The following FEM1B variants were observed in gnomAD, a reference collection of about 807,000 sequenced individuals.
FEM1B encodes fem-1 homolog B, also known as protein fem-1 homolog B.
FEM1B carries 10 observed loss-of-function variants against 38.6 expected under a neutral mutation model. The observed-to-expected ratio is 0.26, with a 90% CI of 0.16 to 0.44. The LOEUF (loss-of-function observed/expected upper bound fraction) is 0.44, where lower values mean the gene tolerates loss of function less well. FEM1B is among the 20% of genes least tolerant of loss of function. FEM1B has a pLI of 1.00. For synonymous variants in FEM1B, 288 were observed against 288.0 expected, an observed-to-expected ratio of 1.00 and a Z score of 0.00; for missense variants, 471 against 786.7, an observed-to-expected ratio of 0.60 and a Z score of 4.80.
chr15:68,278,159 G>A lies in FEM1B; in HGVS notation c.-259G>A, dbSNP rs1567111884. On this transcript the variant is annotated 5_prime_UTR_variant, in exon 1 of 2. Transcript: ENST00000306917. The surrounding 1 kb of genome is among the most constrained non-coding windows in gnomAD (Gnocchi z 5.7). ...GAGATCCCCTCGGTCCAGGGCCGGC[G>A]CCTGGGACCTGGCGGGCGGCCCTGA... 2.3e-6 allele frequency: 1 copy of A among 432,068 alleles called. No homozygotes were observed. Among genetic ancestry groups the A allele is most frequent in the Non-Finnish European group, 4.1e-6 (1 of 242,398 alleles). 26.8% of individuals were successfully genotyped at this position (432,068 alleles called of 1,614,324 possible). A position where few individuals can be genotyped will look rare whatever the true frequency, so the allele number is the denominator to read the frequency against.
intron 1 of FEM1B, among the ~76,000 whole-genome samples, chr15:68,286,450 C>A (rs1038656738): frequency 1.3e-5 from 2 of 151,512 alleles, no homozygotes; most frequent in South Asian, 4.2e-4. Context: ...GATCATGGCT[C>A]ATTGTAGCCT....
At chr15:68,286,019 C>G (rs565909385) in intron 1 of FEM1B, among the ~76,000 whole-genome samples, 1 of 148,514 alleles carries the variant, frequency 6.7e-6, no homozygotes, top group African/African-American at 2.5e-5. Flanking sequence ...TTTTGAGAAG[C>G]TTTTCACACT....
intron 1 of FEM1B, among the ~76,000 whole-genome samples, chr15:68,283,502 TAAAAAAAAAAAAAAAAAA>T (rs60432847): frequency 1.4e-5 from 1 of 71,966 alleles, no homozygotes; most frequent in South Asian, 5.7e-4. Flanking sequence ...CATCTCTACC[TAAAAAAAAAAAAAAAAAA>T]AAAAAAAAAA....
rs780948964 is a variant in FEM1B, at chr15:68,291,440, G to C, written c.*198G>C. On this transcript the variant is annotated 3_prime_UTR_variant, in exon 2 of 2. Transcript: ENST00000306917. The surrounding 1 kb of genome is among the most constrained non-coding windows in gnomAD (Gnocchi z 6.9). Reference sequence around the variant, plus strand: ...AGACAGACTTTAACAAAACCACATTGTTTTGGTGTAACTATAAGGTATTTG... The same window carrying C: ...AGACAGACTTTAACAAAACCACATTCTTTTGGTGTAACTATAAGGTATTTG... The C allele has an allele frequency of 1.5e-5, 8 of 522,872 alleles. No homozygotes were observed. Among genetic ancestry groups the C allele is most frequent in the Non-Finnish European group, 2.7e-5 (8 of 299,436 alleles). The allele number at this position is 522,872 out of a possible 1,614,324, so 32.4% of individuals were successfully genotyped here.
Position 68,278,754 on chromosome 15 carries a change from C to A in FEM1B, c.248+89C>A. On this transcript the variant is annotated intron_variant, in intron 1 of 1. Coordinates refer to ENST00000306917, the MANE Select transcript of FEM1B (RefSeq NM_015322.5). The surrounding 1 kb of genome is among the most constrained non-coding windows in gnomAD (Gnocchi z 5.7). ...CCTCCCTCACCCTCTCTTACCCTCT[C>A]TTCATGTAGGTACTCACTTCTCCCC... 1 of 1,476,726 alleles carries A rather than the reference C, an allele frequency of 6.8e-7. No homozygotes were observed. Among genetic ancestry groups the A allele is most frequent in the Non-Finnish European group, 9.3e-7 (1 of 1,069,704 alleles). 91.5% of individuals were successfully genotyped at this position (1,476,726 alleles called of 1,614,324 possible). A position where few individuals can be genotyped will look rare whatever the true frequency, so the allele number is the denominator to read the frequency against.
chr15:68,279,551 G>A (rs910861292), intron 1 of FEM1B, among the ~76,000 whole-genome samples: 1 of 152,046 alleles, frequency 6.6e-6, no homozygotes, highest in Non-Finnish European at 1.5e-5. Flanking sequence ...TGTTTTGGTT[G>A]ACTTGTGGTA....
At position 68,289,715 on chromosome 15, in the gene FEM1B, A is replaced by G. The variant is rs1452647248; in HGVS notation, c.357A>G (p.Val119=). Residue 119 remains valine, a synonymous_variant, in exon 2 of 2, where the codon GTA becomes GTG. Transcript: ENST00000306917. The surrounding 1 kb of genome is among the most constrained non-coding windows in gnomAD (Gnocchi z 6.9). ...GAGCCAACGTGAACCATACCACAGTAACTAATTCAACCCCCCTGCGGGCAG... is the reference window on the plus strand; with the variant it reads ...GAGCCAACGTGAACCATACCACAGTGACTAATTCAACCCCCCTGCGGGCAG... ...SHGANVNHTT[V]TNSTPLRAAC... is the part of the protein sequence containing the mutation. 1 of 1,614,210 alleles carries G rather than the reference A, an allele frequency of 6.2e-7. No homozygotes were observed.
rs1892679049 is a variant in FEM1B at position 68,278,072 on chromosome 15, C to T, written c.-346C>T. ...GCCGGCGACCCGTAGCTCGGGCACG[C>T]GCCTGTCGCATCCCGCAGGAAGGAG... is the stretch of plus-strand genomic sequence containing the variant. On this transcript the variant is annotated 5_prime_UTR_variant, in exon 1 of 2. Coordinates refer to ENST00000306917, the MANE Select transcript of FEM1B (RefSeq NM_015322.5). The surrounding 1 kb of genome is among the most constrained non-coding windows in gnomAD (Gnocchi z 5.7). 4.1e-6 allele frequency: 1 copy of T among 245,710 alleles called. No individual in the cohort carries two copies. The highest frequency in any genetic ancestry group is 5.8e-5 in the South Asian group (1 of 17,184). The allele number at this position is 245,710 out of a possible 1,614,324, so 15.2% of individuals were successfully genotyped here. A position where few individuals can be genotyped will look rare whatever the true frequency, so the allele number is the denominator to read the frequency against.
chr15:68,286,354 A>G (rs1023735471), intron 1 of FEM1B, among the ~76,000 whole-genome samples: 2 of 151,432 alleles, frequency 1.3e-5, no homozygotes, highest in Non-Finnish European at 2.9e-5. Flanking sequence ...TTCTTTTTTG[A>G]ATTGGCCTGT....
rs1892885052 is a variant in FEM1B, at chr15:68,294,682, T to C, written c.*3440T>C. The C allele has an allele frequency of 6.6e-6, 1 of 151,958 alleles. No homozygotes were observed. 9.4% of individuals were successfully genotyped at this position (151,958 alleles called of 1,614,324 possible). On this transcript the variant is annotated 3_prime_UTR_variant, in exon 2 of 2. Transcript: ENST00000306917. This position sits in a 1 kb window ranked among gnomAD's most constrained non-coding sequence, Gnocchi z 4.4. Reference sequence around the variant, plus strand: ...TAGAAACAGCCAGTGGCTGAATTAGTGAGTAAATGAATGAAAGTATAAAGG... The same window carrying C: ...TAGAAACAGCCAGTGGCTGAATTAGCGAGTAAATGAATGAAAGTATAAAGG...
At chr15:68,279,432 T>C (rs1185313315) in intron 1 of FEM1B, among the ~76,000 whole-genome samples, 2 of 152,226 alleles carry the variant, frequency 1.3e-5, no homozygotes, top group Non-Finnish European at 2.9e-5. Flanking sequence ...ATTGTACGAA[T>C]TTTTGGGTAT....
rs774656717 is a variant in FEM1B at position 68,278,286 on chromosome 15, C to G, written c.-132C>G. On this transcript the variant is annotated 5_prime_UTR_variant, in exon 1 of 2. Coordinates refer to ENST00000306917, the MANE Select transcript of FEM1B (RefSeq NM_015322.5). This position sits in a 1 kb window ranked among gnomAD's most constrained non-coding sequence, Gnocchi z 5.7. ...CCTGGGCCGCACTGCTGCCTGGGCGCGGCGGCGGCGACGGCGCCCTGTTGA... is the reference window on the plus strand; with the variant it reads ...CCTGGGCCGCACTGCTGCCTGGGCGGGGCGGCGGCGACGGCGCCCTGTTGA... The G allele has an allele frequency of 5.0e-6, 6 of 1,205,094 alleles. No homozygotes were observed. Among genetic ancestry groups the G allele is most frequent in the Non-Finnish European group, 6.8e-6 (6 of 883,694 alleles). 74.7% of individuals were successfully genotyped at this position (1,205,094 alleles called of 1,614,324 possible).
chr15:68,279,995 C>T (rs1478119142), intron 1 of FEM1B: 1 of 152,172 alleles, frequency 6.6e-6, no homozygotes, highest in Non-Finnish European at 1.5e-5. Flanking sequence ...GCACAGTGAC[C>T]TCTGAACCTC....
Position 68,278,407 on chromosome 15 carries a change from TGGC to T in FEM1B, c.-4_-2del. The T allele has an allele frequency of 6.2e-7, 1 of 1,607,294 alleles. No individual in the cohort carries two copies. Among genetic ancestry groups the T allele is most frequent in the Non-Finnish European group, 8.5e-7 (1 of 1,177,124 alleles). Reference sequence around the variant, plus strand: ...GTGGCGACCAAACGGGTGTTGGAGTTGGCGGCGGCCATGGAGGGCCTGGCTGGC... The same window carrying T: ...GTGGCGACCAAACGGGTGTTGGAGTTGGCGGCCATGGAGGGCCTGGCTGGC... On this transcript the variant is annotated 5_prime_UTR_variant, in exon 1 of 2. Transcript: ENST00000306917. The surrounding 1 kb of genome is among the most constrained non-coding windows in gnomAD (Gnocchi z 5.7).
At chr15:68,287,254 A>G (rs1449863417) in intron 1 of FEM1B, among the ~76,000 whole-genome samples, 2 of 152,252 alleles carry the variant, frequency 1.3e-5, no homozygotes, top group Non-Finnish European at 2.9e-5. Flanking sequence ...AAAATTTGAA[A>G]AATAATTTTA....
At chr15:68,282,773 AT>A (rs1392948317) in intron 1 of FEM1B, among the ~76,000 whole-genome samples, 1 of 152,140 alleles carries the variant, frequency 6.6e-6, no homozygotes, top group Non-Finnish European at 1.5e-5. Flanking sequence ...TGTTAAATGT[AT>A]TTGGTATTTT....
Position 68,289,520 on chromosome 15 carries a change from T to G in FEM1B, c.249-87T>G. ...TTTATTAATGTTCTGGAGAGTGAGG[T>G]CTTGGTCGGTGGGAGTGAATACATC... On this transcript the variant is annotated intron_variant, in intron 1 of 1. Transcript: ENST00000306917. The surrounding 1 kb of genome is among the most constrained non-coding windows in gnomAD (Gnocchi z 6.9). The G allele has an allele frequency of 1.2e-6, 1 of 860,994 alleles. No individual in the cohort carries two copies. 53.3% of individuals were successfully genotyped at this position (860,994 alleles called of 1,614,324 possible). A position where few individuals can be genotyped will look rare whatever the true frequency, so the allele number is the denominator to read the frequency against.
rs1892690215 is a variant in FEM1B at position 68,278,650 on chromosome 15, C to T, written c.233C>T (p.Thr78Ile). ...HYRVQTQQTG[T>I]VRFDGYVIDG... Reference sequence around the variant, plus strand: ...CGGGTGCAGACTCAGCAGACTGGCACCGTCCGCTTCGACGGGTAGGTACAT... The same window carrying T: ...CGGGTGCAGACTCAGCAGACTGGCATCGTCCGCTTCGACGGGTAGGTACAT... Residue 78 changes from threonine (T) to isoleucine (I), a missense_variant, in exon 1 of 2, where the codon ACC becomes ATC. Physicochemically the swap from Thr to Ile is moderately conservative, Grantham distance 89. Transcript: ENST00000306917. The surrounding 1 kb of genome is among the most constrained non-coding windows in gnomAD (Gnocchi z 5.7). 6.2e-7 allele frequency: 1 copy of T among 1,614,020 alleles called. No individual in the cohort carries two copies. Among genetic ancestry groups the T allele is most frequent in the Non-Finnish European group, 8.5e-7 (1 of 1,180,034 alleles).
At chr15:68,279,915 T>A (rs138242609) in intron 1 of FEM1B, 2 of 152,250 alleles carry the variant, frequency 1.3e-5, no homozygotes, top group African/African-American at 2.4e-5. Context: ...GATTCATGTT[T>A]GCTTTTCCTT....
Sources: allele counts gnomAD v4.1 joint callset (sites outside exome capture counted in the v4.1 genomes callset), GRCh38; gene constraint gnomAD v4.1.1; non-coding constraint Gnocchi (gnomAD v3.1); transcripts MANE v1.5; gene names NCBI Gene and HGNC (gene_info 2026-07-23, HGNC 2026-07-21).